The following SREK1 variants were observed in gnomAD, a reference collection of about 807,000 sequenced individuals.
SREK1 encodes splicing regulatory glutamine/lysine-rich protein 1.
A neutral mutation model predicts 66.5 loss-of-function variants in SREK1; 13 were observed. The observed-to-expected ratio is 0.20, with a 90% CI of 0.13 to 0.31. The LOEUF (loss-of-function observed/expected upper bound fraction) is 0.31. Among genes scored for constraint, SREK1 ranks in the 10% least tolerant of loss-of-function variants. SREK1 has a pLI of 1.00. For synonymous variants in SREK1, 265 were observed against 263.5 expected (o/e 1.01, Z -0.05); for missense variants, 607 against 769.6 (o/e 0.79, Z 2.50).
chr5:66,166,600 A>G (rs1745199368), intron 7 of SREK1: 1 of 151,962 alleles, frequency 6.6e-6, no homozygotes, highest in African/African-American at 2.4e-5. Context: ...CTTCTCGAGT[A>G]GCTAAGCCAC....
intron 3 of SREK1, among the ~76,000 whole-genome samples, 171 bp downstream of exon 3, chr5:66,159,505 G>A (rs546699683): frequency 1.3e-5 from 2 of 150,140 alleles, no homozygotes; most frequent in Non-Finnish European, 3.0e-5. Context: ...GTGACTTAAC[G>A]CTGCGTTTTG....
Position 66,183,007 on chromosome 5 carries a change from C to G in SREK1, c.*4139C>G, listed in dbSNP as rs912829421. The G allele has an allele frequency of 1.3e-5, 2 of 152,126 alleles. No homozygotes were observed. The highest frequency in any genetic ancestry group is 1.9e-4 in the East Asian group (1 of 5,202). 9.4% of individuals were successfully genotyped at this position (152,126 alleles called of 1,614,324 possible). On this transcript the variant is annotated 3_prime_UTR_variant, in exon 12 of 12. Coordinates refer to ENST00000334121, the MANE Select transcript of SREK1 (RefSeq NM_001077199.3). Reference sequence around the variant, plus strand: ...CTAGCAATTAGTTTGTTACAATTAGCTTATATCAGATATAACAGTTCTTAA... The same window carrying G: ...CTAGCAATTAGTTTGTTACAATTAGGTTATATCAGATATAACAGTTCTTAA...
At chr5:66,161,417 A>C (rs746933798) in intron 3 of SREK1, among the ~76,000 whole-genome samples, 2 of 152,132 alleles carry the variant, frequency 1.3e-5, no homozygotes, top group Non-Finnish European at 2.9e-5. Context: ...TTGTTTTGGC[A>C]CTCAGGCAGT....
Position 66,164,821 on chromosome 5 carries a change from C to T in SREK1, c.925C>T (p.Arg309Cys), listed in dbSNP as rs760356559. The T allele has an allele frequency of 7.4e-6, 12 of 1,613,980 alleles. No homozygotes were observed. Among genetic ancestry groups the T allele is most frequent in the Admixed American group, 6.7e-5 (4 of 60,000 alleles). Residue 309 changes from arginine to cysteine, a missense_variant, in exon 7 of 12, where the codon CGT (arginine) becomes TGT (cysteine). By Grantham distance (180) the Arg-to-Cys change is radical. This residue lies in a region of SREK1 where 112 missense variants were observed against 168.6 expected (regional missense o/e 0.66). Coordinates refer to ENST00000334121, the MANE Select transcript of SREK1 (RefSeq NM_001077199.3). Reference sequence around the variant, plus strand: ...CAATGAAAGAAAAGGCGGTCGATCTCGTTCCCATACTCGCTCAAAATCCAG... The same window carrying T: ...CAATGAAAGAAAAGGCGGTCGATCTTGTTCCCATACTCGCTCAAAATCCAG... ...KSNERKGGRS[R>C]SHTRSKSRSS... is the part of the protein sequence containing the mutation.
chr5:66,147,317 C>G (rs1204280833), intron 1 of SREK1, among the ~76,000 whole-genome samples: 1 of 152,118 alleles, frequency 6.6e-6, no homozygotes, highest in African/African-American at 2.4e-5. Flanking sequence ...AATCTCACAG[C>G]TTGTGAAACT....
chr5:66,164,151 T>A (rs1744982151), intron 6 of SREK1: 2 of 440,356 alleles, frequency 4.5e-6, no homozygotes, highest in Non-Finnish European at 7.8e-6. Flanking sequence ...ATCAGCTCTG[T>A]ATTTTCATAG....
chr5:66,149,073 G>A (rs189616192), intron 1 of SREK1, among the ~76,000 whole-genome samples: 137 of 152,304 alleles, frequency 9.0e-4, no homozygotes, highest in Non-Finnish European at 1.2e-4. Context: ...AAGAAAATTG[G>A]CCGGGTGCAG....
Position 66,163,807 on chromosome 5 carries a change from C to T in SREK1, c.771C>T (p.Asn257=). The T allele has an allele frequency of 6.2e-7, 1 of 1,612,328 alleles. No homozygotes were observed. Among genetic ancestry groups the T allele is most frequent in the South Asian group, 1.1e-5 (1 of 90,802 alleles). The part of the protein sequence containing the change: ...GDRPLKINHS[N]NAIVKPPEMT... ...TTTAATTTAGAATAAATCACTCCAA[C>T]AATGCAATAGTAAAACCCCCTGAGA... Residue 257 remains asparagine, a synonymous_variant, in exon 6 of 12, where the codon AAC becomes AAT. Transcript: ENST00000334121.
intron 2 of SREK1, chr5:66,157,201 A>G (rs577032182): frequency 2.0e-6 from 2 of 980,906 alleles, no homozygotes; most frequent in African/African-American, 1.8e-5. Flanking sequence ...TTATAGTAGT[A>G]TACTCTTTTG....
chr5:66,176,746 T>G (rs1412041125), intron 10 of SREK1, among the ~76,000 whole-genome samples: 2 of 152,144 alleles, frequency 1.3e-5, no homozygotes, highest in Non-Finnish European at 2.9e-5. Context: ...TTGTTGCTGT[T>G]GGAAATGAGG....
chr5:66,155,060 T>C (rs76919402), intron 2 of SREK1, among the ~76,000 whole-genome samples: 1 of 136,536 alleles, frequency 7.3e-6, no homozygotes, highest in African/African-American at 2.6e-5. Flanking sequence ...AAGAATTTTA[T>C]CAGTGTTGCT....
chr5:66,178,131 A>G (rs1431751530), intron 11 of SREK1, among the ~76,000 whole-genome samples: 1 of 152,068 alleles, frequency 6.6e-6, no homozygotes, highest in African/African-American at 2.4e-5. Flanking sequence ...GGTAAAGTAT[A>G]TTTGTATTTG....
At chr5:66,163,677 C>T (rs1744945133) in intron 5 of SREK1, 115 bp from the exon 6 acceptor site, 1 of 915,016 alleles carries the variant, frequency 1.1e-6, no homozygotes, top group East Asian at 4.7e-5. Flanking sequence ...GTATATCATT[C>T]TTACGTGCTT....
chr5:66,144,864 A>T, intron 1 of SREK1: 1 of 1,044,252 alleles, frequency 9.6e-7, no homozygotes, highest in Non-Finnish European at 1.2e-6. Flanking sequence ...AGATGGCCGC[A>T]GGTGGGCCCG....
chr5:66,181,080 GTTC>G lies in SREK1; in HGVS notation c.*2215_*2217del. ...ATGTTGGTAATTAACATTTAATTTGGTTCTTGCTGCTAATTATTTTCTCTGCTG... is the reference window on the plus strand; with the variant it reads ...ATGTTGGTAATTAACATTTAATTTGGTTGCTGCTAATTATTTTCTCTGCTG... On this transcript the variant is annotated 3_prime_UTR_variant, in exon 12 of 12. Transcript: ENST00000334121. The G allele has an allele frequency of 6.6e-6, 1 of 152,048 alleles. No homozygotes were observed. Among genetic ancestry groups the G allele is most frequent in the Non-Finnish European group, 1.5e-5 (1 of 67,992 alleles). 9.4% of individuals were successfully genotyped at this position (152,048 alleles called of 1,614,324 possible). A position where few individuals can be genotyped will look rare whatever the true frequency, so the allele number is the denominator to read the frequency against.
At chr5:66,177,726 T>TG (rs1746175987) in intron 11 of SREK1, 68 bp downstream of exon 11, 5 of 1,368,332 alleles carry the variant, frequency 3.7e-6, no homozygotes, top group Non-Finnish European at 4.9e-6. Context: ...GGTTTTAGAC[T>TG]GAAAGCTCTT....
In SREK1 at chr5:66,171,648, T is replaced by G. The variant is rs1480629701; in HGVS notation, c.1484+701T>G. Among the ~76,000 whole-genome samples the G allele has an allele frequency of 5.9e-5, 9 of 152,268 alleles. No individual in the cohort carries two copies. The South Asian group carries it at 1.5e-3, about 25-fold the overall frequency. On this transcript the variant is annotated intron_variant, in intron 9 of 11. Coordinates refer to ENST00000334121, the MANE Select transcript of SREK1 (RefSeq NM_001077199.3). ...CTATCTTAAAAATACTAAATATATA[T>G]ATTAGCAAATTTTTGAAGATTTTTA...
At chr5:66,153,754 A>G (rs749416546) in intron 2 of SREK1, 158 bp downstream of exon 2, 18 of 803,350 alleles carry the variant, frequency 2.2e-5, no homozygotes, top group Non-Finnish European at 3.3e-5. Flanking sequence ...TAATAGTAAT[A>G]TTAAAATGGT....
intron 3 of SREK1, 116 bp from the exon 4 acceptor site, chr5:66,161,993 C>A: frequency 8.2e-7 from 1 of 1,219,446 alleles, no homozygotes; most frequent in South Asian, 1.8e-5. Context: ...GTTCGGAGTC[C>A]CTAGTCTCCT....
Sources: allele counts gnomAD v4.1 joint callset (sites outside exome capture counted in the v4.1 genomes callset), GRCh38; gene constraint gnomAD v4.1.1; regional missense constraint gnomAD v4.1.1; transcripts MANE v1.5; gene names NCBI Gene and HGNC (gene_info 2026-07-23, HGNC 2026-07-21).